IRAK1BP1: variants seen among roughly 807,000 people sequenced by gnomAD.
IRAK1BP1 encodes interleukin 1 receptor associated kinase 1 binding protein 1.
A neutral mutation model predicts 28.0 loss-of-function variants in IRAK1BP1; 24 were observed. The ratio of observed to expected loss-of-function variants is 0.86; its 90% CI spans 0.62 to 1.20. The LOEUF (loss-of-function observed/expected upper bound fraction) is 1.20, where lower values mean the gene tolerates loss of function less well. Among genes scored for constraint, IRAK1BP1 ranks in the 50% most tolerant of loss-of-function variants. IRAK1BP1 has a pLI of 0.00. For synonymous variants in IRAK1BP1, 131 were observed against 116.3 expected, an observed-to-expected ratio of 1.13 and a Z score of -0.81; for missense variants, 336 against 316.7, an observed-to-expected ratio of 1.06 and a Z score of -0.46.
At chr6:78,895,096 G>C (rs1771831281) in intron 2 of IRAK1BP1, among the ~76,000 whole-genome samples, 1 of 148,888 alleles carries the variant, frequency 6.7e-6, no homozygotes, top group Non-Finnish European at 1.5e-5. Flanking sequence ...CTGGGCAACT[G>C]AGCAAGACTC....
rs758185733 is a variant in IRAK1BP1, at chr6:78,899,803, A to G, written c.*1469A>G. 2.0e-5 allele frequency: 3 copies of G among 152,214 alleles called. No individual in the cohort carries two copies. The highest frequency in any genetic ancestry group is 7.2e-5 in the African/African-American group (3 of 41,462). 9.4% of individuals were successfully genotyped at this position (152,214 alleles called of 1,614,324 possible). A position where few individuals can be genotyped will look rare whatever the true frequency, so the allele number is the denominator to read the frequency against. ...AGAAACAGTTGAAACTAATTTTAAT[A>G]ACATTTTATTTAACCAAATATATCA... is the stretch of plus-strand genomic sequence containing the variant. On this transcript the variant is annotated 3_prime_UTR_variant, in exon 4 of 4. Coordinates refer to ENST00000369940, the MANE Select transcript of IRAK1BP1 (RefSeq NM_001010844.4).
At chr6:78,894,519 A>G (rs1163382160) in intron 2 of IRAK1BP1, among the ~76,000 whole-genome samples, 1 of 152,236 alleles carries the variant, frequency 6.6e-6, no homozygotes, top group African/African-American at 2.4e-5. Flanking sequence ...AATCAAGAGG[A>G]CATACAGCAC....
chr6:78,939,483 TTAAACTA>T (rs2127676049), intron 4 of IRAK1BP1: 1 of 151,988 alleles, frequency 6.6e-6, no homozygotes, highest in Non-Finnish European at 1.5e-5. Flanking sequence ...CCCCTTAAAA[TTAAACTA>T]TAAAGTATGA....
At chr6:78,973,213 G>A in the IRAK1BP1 span, among the ~76,000 whole-genome samples, 2 of 151,798 alleles carry the variant, frequency 1.3e-5, no homozygotes, top group Non-Finnish European at 1.5e-5. Context: ...AGAGAGTGGG[G>A]GCCAATATTC....
At chr6:78,950,140 T>G (rs1279991874), downstream of IRAK1BP1, among the ~76,000 whole-genome samples, 1 of 152,224 alleles carries the variant, frequency 6.6e-6, no homozygotes, top group Non-Finnish European at 1.5e-5. Context: ...CTTGATATAA[T>G]CATGAGATTT....
At chr6:78,906,570 G>A (rs1297423139), downstream of IRAK1BP1, among the ~76,000 whole-genome samples, 1 of 152,080 alleles carries the variant, frequency 6.6e-6, no homozygotes, top group Non-Finnish European at 1.5e-5. Context: ...GAAAAGTACT[G>A]TACTAATCTC....
chr6:78,938,589 G>A (rs768031530), intron 4 of IRAK1BP1: 1 of 151,490 alleles, frequency 6.6e-6, no homozygotes, highest in Admixed American at 6.6e-5. Context: ...TTTCAAGAAT[G>A]GTGTAACTGA....
At chr6:78,954,953 G>T in the IRAK1BP1 span, 1 of 1,557,446 alleles carries the variant, frequency 6.4e-7, no homozygotes. Flanking sequence ...TCTTCTTCTA[G>T]GCTGATGGTC....
intron 4 of IRAK1BP1, chr6:78,937,268 A>G (rs1001938862): frequency 1.3e-5 from 2 of 151,802 alleles, no homozygotes; most frequent in African/African-American, 4.8e-5. Flanking sequence ...CAGTAGGTAT[A>G]TATGTATAAA....
chr6:78,917,862 C>A (rs1273144303), intron 4 of IRAK1BP1, among the ~76,000 whole-genome samples: 1 of 152,140 alleles, frequency 6.6e-6, no homozygotes, highest in East Asian at 1.9e-4. Flanking sequence ...CTTTTCCAGA[C>A]AAGCAAGTGC....
At chr6:78,885,637 G>T (rs1178686879) in intron 2 of IRAK1BP1, among the ~76,000 whole-genome samples, 194 bp downstream of exon 2, 1 of 152,056 alleles carries the variant, frequency 6.6e-6, no homozygotes, top group Non-Finnish European at 1.5e-5. Context: ...GTTTAAAATG[G>T]AATAAAAACA....
chr6:78,884,562 G>A (rs1458340036), intron 1 of IRAK1BP1, among the ~76,000 whole-genome samples: 1 of 152,006 alleles, frequency 6.6e-6, no homozygotes, highest in Non-Finnish European at 1.5e-5. Flanking sequence ...TATCATAGTG[G>A]TATAGCATCC....
At chr6:78,867,971 T>TA in intron 1 of IRAK1BP1, 80 bp downstream of exon 1, 1 of 1,405,392 alleles carries the variant, frequency 7.1e-7, no homozygotes, top group East Asian at 2.5e-5. Context: ...CAGGCCCCCC[T>TA]AGCGGGAAGG....
At chr6:78,927,068 G>C (rs1227918395) in intron 4 of IRAK1BP1, among the ~76,000 whole-genome samples, 3 of 152,128 alleles carry the variant, frequency 2.0e-5, no homozygotes, top group African/African-American at 7.2e-5. Flanking sequence ...ATACCCAACA[G>C]TCGGATTGCT....
chr6:78,946,962 T>TA, downstream of IRAK1BP1: 1 of 712,440 alleles, frequency 1.4e-6, no homozygotes, highest in Non-Finnish European at 2.2e-6. Flanking sequence ...ATTTTTCCAG[T>TA]AAAAAATATT....
At chr6:78,963,486 G>A in the IRAK1BP1 span, among the ~76,000 whole-genome samples, 1 of 151,996 alleles carries the variant, frequency 6.6e-6, no homozygotes, top group Admixed American at 6.6e-5. Context: ...AATTATACCT[G>A]AAAATCTGCT....
intron 1 of IRAK1BP1, among the ~76,000 whole-genome samples, chr6:78,880,538 G>A (rs1771189820): frequency 6.6e-6 from 1 of 152,136 alleles, no homozygotes; most frequent in African/African-American, 2.4e-5. Context: ...TAGACTGGGA[G>A]AAAATATTTG....
At chr6:78,871,322 C>CT in intron 1 of IRAK1BP1, 1 of 984,954 alleles carries the variant, frequency 1.0e-6, no homozygotes, top group South Asian at 4.7e-5. Context: ...CAAGAGAGGA[C>CT]TAGGAGTAAA....
intron 4 of IRAK1BP1, among the ~76,000 whole-genome samples, chr6:78,910,033 G>C (rs1045107614): frequency 6.6e-6 from 1 of 152,198 alleles, no homozygotes; most frequent in African/African-American, 2.4e-5. Context: ...GAGTCTGAAA[G>C]GCAGGCCTTG....
Sources: allele counts gnomAD v4.1 joint callset (sites outside exome capture counted in the v4.1 genomes callset), GRCh38; gene constraint gnomAD v4.1.1; transcripts MANE v1.5; gene names NCBI Gene and HGNC (gene_info 2026-07-23, HGNC 2026-07-21).